The following DPY19L4 variants were observed in gnomAD, a reference collection of about 807,000 sequenced individuals.
The protein encoded by DPY19L4 is probable C-mannosyltransferase DPY19L4.
Under a neutral mutation model 102.8 loss-of-function variants are expected in DPY19L4, and 97 were observed. The observed-to-expected ratio is 0.94, with a 90% CI of 0.80 to 1.12. The LOEUF (loss-of-function observed/expected upper bound fraction) is 1.12. Ranked by LOEUF, DPY19L4 falls within the 50% of genes most tolerant of loss-of-function variation. The pLI, the probability that DPY19L4 is intolerant of heterozygous loss-of-function variation, is 0.00. For synonymous variants in DPY19L4, 252 were observed against 283.1 expected (o/e 0.89, Z 1.10); for missense variants, 815 against 850.4 (o/e 0.96, Z 0.52).
rs1414890147 is a variant in DPY19L4, at chr8:94,719,924, G to A, written c.-75G>A. On this transcript the variant is annotated 5_prime_UTR_variant, in exon 1 of 19. Coordinates refer to ENST00000414645, the MANE Select transcript of DPY19L4 (RefSeq NM_181787.3). ...CAGGAGCGGGCCCCCGGAGGCCGAG[G>A]GGTTCGGCGACGCGGAGGGAGGGAG... is the stretch of plus-strand genomic sequence containing the variant. 6.9e-7 allele frequency: 1 copy of A among 1,440,390 alleles called. No homozygotes were observed. Among genetic ancestry groups the A allele is most frequent in the Non-Finnish European group, 9.2e-7 (1 of 1,091,014 alleles). The allele number at this position is 1,440,390 out of a possible 1,614,324, so 89.2% of individuals were successfully genotyped here.
intron 5 of DPY19L4, 33 bp from the exon 6 acceptor site, chr8:94,739,612 T>C: frequency 6.2e-7 from 1 of 1,610,034 alleles, no homozygotes; most frequent in Non-Finnish European, 8.5e-7. Context: ...TGCCATCCTA[T>C]TGTCTTGTTC....
chr8:94,724,487 A>G (rs1425675233), intron 1 of DPY19L4, among the ~76,000 whole-genome samples: 1 of 152,256 alleles, frequency 6.6e-6, no homozygotes, highest in Non-Finnish European at 1.5e-5. Context: ...CATAATGAGG[A>G]AGGAATATAG....
chr8:94,742,658 A>G (rs541866286), intron 6 of DPY19L4, among the ~76,000 whole-genome samples: 20 of 151,322 alleles, frequency 1.3e-4, no homozygotes, highest in African/African-American at 4.6e-4. Flanking sequence ...TCCCAGGTTC[A>G]AGCAATTTTC....
intron 2 of DPY19L4, among the ~76,000 whole-genome samples, chr8:94,729,571 C>T (rs1375592218): frequency 8.2e-6 from 1 of 121,660 alleles, no homozygotes; most frequent in Non-Finnish European, 1.6e-5. Flanking sequence ...TGCACTCCAG[C>T]CTGGGCAACA....
chr8:94,725,210 T>C (rs1810635828), intron 1 of DPY19L4, among the ~76,000 whole-genome samples: 1 of 152,216 alleles, frequency 6.6e-6, no homozygotes, highest in African/African-American at 2.4e-5. Context: ...AAGTTATTAC[T>C]AAGAGAAAGG....
intron 8 of DPY19L4, 23 bp downstream of exon 8, chr8:94,761,857 T>A: frequency 6.3e-7 from 1 of 1,587,582 alleles, no homozygotes; most frequent in Non-Finnish European, 8.5e-7. Flanking sequence ...TTTGAAATGG[T>A]GATTTTTAAG....
intron 17 of DPY19L4, among the ~76,000 whole-genome samples, chr8:94,787,096 G>A (rs1477990121): frequency 6.6e-6 from 1 of 152,136 alleles, no homozygotes; most frequent in African/African-American, 2.4e-5. Context: ...TCCCAACAAA[G>A]AATGATCTGG....
intron 2 of DPY19L4, among the ~76,000 whole-genome samples, chr8:94,728,246 G>A (rs1461737742): frequency 6.6e-6 from 1 of 152,232 alleles, no homozygotes; most frequent in Non-Finnish European, 1.5e-5. Context: ...CAGGCCTGCT[G>A]TGTTAACTCT....
In DPY19L4 at chr8:94,770,469, A is replaced by C; in HGVS notation, c.1352A>C (p.Glu451Ala). The C allele has an allele frequency of 6.2e-7, 1 of 1,612,702 alleles. No individual in the cohort carries two copies. The highest frequency in any genetic ancestry group is 8.5e-7 in the Non-Finnish European group (1 of 1,179,598). ...FRRINGKSLKETVTLEDGRIG... is the reference protein window; with the variant it reads ...FRRINGKSLKATVTLEDGRIG... ...TTTTGTAGTGGTAAGTCCCTGAAGG[A>C]AACTGTTACTCTTGAAGATGGACGA... Residue 451 changes from glutamate (E) to alanine (A), a missense_variant, in exon 13 of 19, where the codon GAA becomes GCA. Physicochemically the swap from Glu to Ala is moderately radical, Grantham distance 107. Coordinates refer to ENST00000414645, the MANE Select transcript of DPY19L4 (RefSeq NM_181787.3).
chr8:94,766,427 C>T (rs1220262947), intron 10 of DPY19L4, among the ~76,000 whole-genome samples, 185 bp from the exon 11 acceptor site: 1 of 152,190 alleles, frequency 6.6e-6, no homozygotes, highest in Non-Finnish European at 1.5e-5. Context: ...GTTTATGCTT[C>T]AGCATAAGGT....
chr8:94,749,718 C>T (rs1254432732), intron 6 of DPY19L4, among the ~76,000 whole-genome samples: 1 of 152,134 alleles, frequency 6.6e-6, no homozygotes, highest in African/African-American at 2.4e-5. Context: ...TTGGAGCAGC[C>T]TTGGAATATA....
At chr8:94,768,277 A>C (rs1302339470) in intron 11 of DPY19L4, 118 bp from the exon 12 acceptor site, 2 of 741,728 alleles carry the variant, frequency 2.7e-6, no homozygotes, top group East Asian at 5.6e-5. Context: ...TTGCTAATAT[A>C]AGTAAACGGG....
intron 6 of DPY19L4, among the ~76,000 whole-genome samples, chr8:94,743,078 A>C (rs911358941): frequency 1.3e-5 from 2 of 151,566 alleles, no homozygotes; most frequent in African/African-American, 4.8e-5. Flanking sequence ...CCCAGGCTAG[A>C]GTGTAATGGC....
In DPY19L4 at chr8:94,781,159, T is replaced by G. The variant is rs372172909; in HGVS notation, c.1708T>G (p.Trp570Gly). The change falls in exon 16 of 19, where the codon TGG (tryptophan) becomes GGG (glycine). Residue 570 changes from tryptophan to glycine, a missense_variant. By Grantham distance (184) the Trp-to-Gly change is radical. Transcript: ENST00000414645. The stretch of plus-strand genomic sequence containing the variant: ...CCCAGATACAGTGGAACTTATGACC[T>G]GGATAAAGTAAGGATTGAAGTGCCC... ...YDPDTVELMTWIKRQAPVAAV... is the reference protein window; with the variant it reads ...YDPDTVELMTGIKRQAPVAAV... 13 of 1,592,542 alleles carry G rather than the reference T, an allele frequency of 8.2e-6. No homozygotes were observed. The highest frequency in any genetic ancestry group is 1.1e-5 in the Non-Finnish European group (13 of 1,173,150).
chr8:94,724,137 C>T (rs571325991), intron 1 of DPY19L4, among the ~76,000 whole-genome samples: 2 of 152,314 alleles, frequency 1.3e-5, no homozygotes, highest in African/African-American at 2.4e-5. Flanking sequence ...CAATTTATCA[C>T]TAAGTGTGTA....
intron 2 of DPY19L4, among the ~76,000 whole-genome samples, chr8:94,730,605 C>T (rs1351387762): frequency 2.6e-5 from 4 of 151,628 alleles, no homozygotes; most frequent in Non-Finnish European, 5.9e-5. Flanking sequence ...ATTAGCCAGG[C>T]GTGGTGGCAC....
At chr8:94,775,184 C>T (rs941947225) in intron 13 of DPY19L4, among the ~76,000 whole-genome samples, 2 of 147,416 alleles carry the variant, frequency 1.4e-5, no homozygotes, top group African/African-American at 5.0e-5. Flanking sequence ...CAGAGCTTTC[C>T]TTTTTTTTTT....
intron 1 of DPY19L4, among the ~76,000 whole-genome samples, chr8:94,720,787 AG>A (rs1303560007): frequency 6.6e-6 from 1 of 152,240 alleles, no homozygotes; most frequent in Non-Finnish European, 1.5e-5. Context: ...AAACAATACA[AG>A]GAATACTCAT....
At chr8:94,743,049 T>G (rs369352685) in intron 6 of DPY19L4, among the ~76,000 whole-genome samples, 2 of 151,482 alleles carry the variant, frequency 1.3e-5, no homozygotes, top group East Asian at 2.0e-4. Context: ...TTTTTTGAGA[T>G]GTAGTCTTGC....
Sources: gnomAD v4.1 joint callset for allele counts (sites outside exome capture counted in the v4.1 genomes callset) on GRCh38, gnomAD v4.1.1 for gene constraint, MANE v1.5 for transcripts, NCBI Gene and HGNC (gene_info 2026-07-23, HGNC 2026-07-21) for gene names.